The following SNX10 variants were observed in gnomAD, a reference collection of about 807,000 sequenced individuals.
SNX10 encodes sorting nexin-10.
SNX10 carries 25 observed loss-of-function variants against 28.5 expected under a neutral mutation model. The observed-to-expected ratio is 0.88, with a 90% CI of 0.64 to 1.22. The LOEUF is 1.22. Among genes scored for constraint, SNX10 ranks in the 50% most tolerant of loss-of-function variants. The pLI, the probability that SNX10 is intolerant of heterozygous loss-of-function variation, is 0.00. For missense variants in SNX10, 223 were observed against 242.6 expected (o/e 0.92, Z 0.54); for synonymous variants, 62 against 81.4 (o/e 0.76, Z 1.28).
intron 1 of SNX10, among the ~76,000 whole-genome samples, chr7:26,328,319 G>A (rs1787584572): frequency 1.3e-5 from 2 of 152,156 alleles, no homozygotes; most frequent in South Asian, 4.1e-4. Flanking sequence ...ATTAAAATGG[G>A]CAACATAGAA....
At chr7:26,308,118 C>G (rs1422129800) in intron 1 of SNX10, among the ~76,000 whole-genome samples, 1 of 152,174 alleles carries the variant, frequency 6.6e-6, no homozygotes, top group Non-Finnish European at 1.5e-5. Flanking sequence ...AGTTCCTGGC[C>G]CATAAATCCC....
intron 2 of SNX10, among the ~76,000 whole-genome samples, chr7:26,355,142 C>T (rs1312573642): frequency 3.3e-5 from 5 of 152,018 alleles, no homozygotes; most frequent in South Asian, 2.1e-4. Context: ...ATCAGGTGGG[C>T]GTATTTGTGT....
At chr7:26,359,722 G>A (rs897380254) in intron 2 of SNX10, among the ~76,000 whole-genome samples, 1 of 151,158 alleles carries the variant, frequency 6.6e-6, no homozygotes, top group Non-Finnish European at 1.5e-5. Context: ...GGAGTGCAGT[G>A]ATGCGATCTC....
Position 26,291,913 on chromosome 7 carries a change from G to GA in SNX10, c.-197_-196insA, listed in dbSNP as rs561944938. On this transcript the variant is annotated 5_prime_UTR_variant, in exon 1 of 7. Coordinates refer to ENST00000338523, the MANE Select transcript of SNX10 (RefSeq NM_013322.3). ...GGCTGGCGCTGAGCGCGGGCGCGGG[G>GA]CCGCTACGTGCGCGGGGAGCGCGGG... The GA allele has an allele frequency of 2.9e-4, 40 of 138,606 alleles. No homozygotes were observed. Among genetic ancestry groups the GA allele is most frequent in the Admixed American group, 1.3e-3 (17 of 13,306 alleles). The allele number at this position is 138,606 out of a possible 1,614,324, so 8.6% of individuals were successfully genotyped here.
chr7:26,306,961 C>G (rs1482236925), intron 1 of SNX10, among the ~76,000 whole-genome samples: 1 of 152,142 alleles, frequency 6.6e-6, no homozygotes, highest in Non-Finnish European at 1.5e-5. Context: ...AATTCACAAC[C>G]AGGTGGTCTG....
chr7:26,357,032 C>T (rs1242890545), intron 2 of SNX10: 1 of 1,194,510 alleles, frequency 8.4e-7, no homozygotes, highest in South Asian at 1.5e-5. Flanking sequence ...TTAAATGATA[C>T]TAATGGAAGG....
At chr7:26,339,768 C>G (rs12673873) in intron 1 of SNX10, among the ~76,000 whole-genome samples, 1 of 151,028 alleles carries the variant, frequency 6.6e-6, no homozygotes, top group African/African-American at 2.4e-5. Context: ...GGTGGAGTCT[C>G]GAACTCCTGA....
At chr7:26,352,931 A>G (rs1212658807) in intron 2 of SNX10, among the ~76,000 whole-genome samples, 1 of 152,026 alleles carries the variant, frequency 6.6e-6, no homozygotes. Flanking sequence ...TTCACATTCT[A>G]GATTTTGCTG....
At chr7:26,357,888 G>T (rs542189215) in intron 2 of SNX10, among the ~76,000 whole-genome samples, 1 of 152,114 alleles carries the variant, frequency 6.6e-6, no homozygotes, top group African/African-American at 2.4e-5. Flanking sequence ...AGGTGGATCA[G>T]GCTAGAGGCT....
At chr7:26,316,672 A>T (rs940381830) in intron 1 of SNX10, among the ~76,000 whole-genome samples, 2 of 152,084 alleles carry the variant, frequency 1.3e-5, no homozygotes, top group African/African-American at 2.4e-5. Flanking sequence ...TCTGTTGTTG[A>T]TCACTGTTTT....
intron 1 of SNX10, among the ~76,000 whole-genome samples, chr7:26,322,051 A>C (rs534394059): frequency 6.6e-6 from 1 of 152,254 alleles, no homozygotes; most frequent in East Asian, 1.9e-4. Context: ...GACATCACTA[A>C]TTGATCCTGT....
At chr7:26,366,289 CATTAAT>C (rs1562821631) in intron 5 of SNX10, among the ~76,000 whole-genome samples, 1 of 152,140 alleles carries the variant, frequency 6.6e-6, no homozygotes, top group Non-Finnish European at 1.5e-5. Flanking sequence ...TAAGTATGCA[CATTAAT>C]ATTAATATTT....
intron 1 of SNX10, among the ~76,000 whole-genome samples, chr7:26,342,550 A>T (rs1788223213): frequency 6.6e-6 from 1 of 152,212 alleles, no homozygotes; most frequent in African/African-American, 2.4e-5. Flanking sequence ...AAAATAATTT[A>T]TGTTAAAATT....
chr7:26,345,584 A>G (rs1003056451), intron 1 of SNX10, among the ~76,000 whole-genome samples: 9 of 151,936 alleles, frequency 5.9e-5, no homozygotes, highest in Admixed American at 4.6e-4. Flanking sequence ...TGTGTTCCCT[A>G]TGGTGCCAGT....
At chr7:26,304,562 A>G (rs1169955915) in intron 1 of SNX10, among the ~76,000 whole-genome samples, 1 of 152,152 alleles carries the variant, frequency 6.6e-6, no homozygotes, top group Non-Finnish European at 1.5e-5. Context: ...AGGGGGGATT[A>G]CACCGCACAA....
At chr7:26,301,991 T>C (rs538981934) in intron 1 of SNX10, among the ~76,000 whole-genome samples, 33 of 152,218 alleles carry the variant, frequency 2.2e-4, no homozygotes, top group Non-Finnish European at 4.1e-4. Flanking sequence ...TCCTCAAACA[T>C]AATCCATGTA....
chr7:26,295,811 G>A (rs1403094388), intron 1 of SNX10, among the ~76,000 whole-genome samples: 1 of 152,188 alleles, frequency 6.6e-6, no homozygotes, highest in Non-Finnish European at 1.5e-5. Context: ...ATTTGGTATG[G>A]GAATCTACAA....
chr7:26,339,637 C>G (rs781095758), intron 1 of SNX10, among the ~76,000 whole-genome samples: 1 of 150,148 alleles, frequency 6.7e-6, no homozygotes, highest in African/African-American at 2.5e-5. Flanking sequence ...TTAAGCGATT[C>G]TCCTGCCTCA....
At chr7:26,330,124 G>A (rs1179756406) in intron 1 of SNX10, among the ~76,000 whole-genome samples, 1 of 152,110 alleles carries the variant, frequency 6.6e-6, no homozygotes, top group African/African-American at 2.4e-5. Flanking sequence ...GTAAGCAGAG[G>A]GTTAGGTAAC....
Sources: gnomAD v4.1 joint callset for allele counts (sites outside exome capture counted in the v4.1 genomes callset) on GRCh38, gnomAD v4.1.1 for gene constraint, MANE v1.5 for transcripts, NCBI Gene and HGNC (gene_info 2026-07-23, HGNC 2026-07-21) for gene names.